Variants in ITPR2 observed in about 807,000 individuals in gnomAD.
The protein encoded by ITPR2 is inositol 1,4,5-trisphosphate-gated calcium channel ITPR2.
A neutral mutation model predicts 317.1 loss-of-function variants in ITPR2; 207 were observed. The ratio of observed to expected loss-of-function variants is 0.65; its 90% confidence interval spans 0.58 to 0.73. The LOEUF (loss-of-function observed/expected upper bound fraction) is 0.73, where lower values mean the gene tolerates loss of function less well. Ranked by LOEUF, ITPR2 falls within the 30% of genes least tolerant of loss-of-function variation. The pLI is 0.00. For synonymous variants in ITPR2, 1,156 were observed against 1,149.1 expected, an observed-to-expected ratio of 1.01 and a Z score of -0.12; for missense variants, 2,613 against 3,284.0, an observed-to-expected ratio of 0.80 and a Z score of 4.99.
chr12:26,376,892 C>A (rs1392959254), intron 55 of ITPR2, among the ~76,000 whole-genome samples: 2 of 151,948 alleles, frequency 1.3e-5, no homozygotes, highest in African/African-American at 4.8e-5. Context: ...CCATGCCCAG[C>A]TAATTTTTGT....
At chr12:26,516,320 A>AGGAAAGGAAAGGAAAGGAAG (rs1943514507) in intron 37 of ITPR2, among the ~76,000 whole-genome samples, 1 of 143,586 alleles carries the variant, frequency 7.0e-6, no homozygotes, top group Non-Finnish European at 1.5e-5. Context: ...AGGAAAGGAA[A>AGGAAAGGAAAGGAAAGGAAG]GGAAAGGAAA....
At chr12:26,671,203 A>G (rs1389665893) in intron 13 of ITPR2, among the ~76,000 whole-genome samples, 1 of 152,228 alleles carries the variant, frequency 6.6e-6, no homozygotes, top group Non-Finnish European at 1.5e-5. Flanking sequence ...AGAGAACGCC[A>G]CAAAGATACT....
At chr12:26,678,570 T>C (rs1485621296) in intron 13 of ITPR2, among the ~76,000 whole-genome samples, 3 of 152,210 alleles carry the variant, frequency 2.0e-5, no homozygotes, top group Non-Finnish European at 4.4e-5. Flanking sequence ...ATAATATAAA[T>C]GCATTCAACT....
At chr12:26,522,431 G>T (rs1434858395) in intron 37 of ITPR2, among the ~76,000 whole-genome samples, 3 of 152,120 alleles carry the variant, frequency 2.0e-5, no homozygotes, top group African/African-American at 7.2e-5. Flanking sequence ...GGATTTCCTT[G>T]AAATATGGTC....
At chr12:26,628,263 A>C in intron 22 of ITPR2, 101 bp from the exon 23 acceptor site, 3 of 853,326 alleles carry the variant, frequency 3.5e-6, no homozygotes, top group Non-Finnish European at 5.3e-6. Context: ...CCAACCTTTC[A>C]AAGGAACTAG....
At position 26,455,995 on chromosome 12, in the gene ITPR2, C is replaced by T. The variant is rs190434273; in HGVS notation, c.6343-12345G>A. ...AGACAGAATTCTCCTATGACCTAAG[C>T]CATCATGAGCTAAATACAATAATTA... is the stretch of plus-strand genomic sequence containing the variant. On this transcript the variant is annotated intron_variant, in intron 45 of 56. Coordinates refer to ENST00000381340, the MANE Select transcript of ITPR2 (RefSeq NM_002223.4). Among the ~76,000 whole-genome samples the T allele has an allele frequency of 1.1e-3, 167 of 152,312 alleles. 1 individual carries two copies. The highest frequency in any genetic ancestry group is 1.9e-3 in the Non-Finnish European group (131 of 68,026).
intron 21 of ITPR2, among the ~76,000 whole-genome samples, chr12:26,645,355 T>A (rs1947090897): frequency 6.6e-6 from 1 of 152,258 alleles, no homozygotes; most frequent in Admixed American, 6.5e-5. Flanking sequence ...TGGATGGGAT[T>A]ATACCCATGT....
chr12:26,367,815 T>C (rs1408394495), intron 55 of ITPR2, among the ~76,000 whole-genome samples: 1 of 152,252 alleles, frequency 6.6e-6, no homozygotes, highest in East Asian at 1.9e-4. Context: ...TGTTTGTTTC[T>C]AGTTCTTCTT....
Position 26,500,045 on chromosome 12 carries a change from T to TA in ITPR2, c.5074-4786dup, listed in dbSNP as rs530576156. Among the ~76,000 whole-genome samples, 187 of 152,260 alleles carry TA rather than the reference T, an allele frequency of 1.2e-3. 1 individual carries two copies. The highest frequency in any genetic ancestry group is 4.3e-3 in the African/African-American group (180 of 41,546). ...TGTCTTAGTAATCTTCATTTAAGAA[T>TA]AAAAAAATTCAGATATTGCTACATC... On this transcript the variant is annotated intron_variant, in intron 37 of 56. Transcript: ENST00000381340.
intron 51 of ITPR2, among the ~76,000 whole-genome samples, chr12:26,411,998 A>C (rs1342968795): frequency 6.6e-6 from 1 of 152,234 alleles, no homozygotes; most frequent in Non-Finnish European, 1.5e-5. Context: ...ACAGAATAGA[A>C]TAGAAAATAG....
At chr12:26,351,303 G>T (rs1159168316) in intron 55 of ITPR2, among the ~76,000 whole-genome samples, 1 of 152,214 alleles carries the variant, frequency 6.6e-6, no homozygotes, top group East Asian at 1.9e-4. Flanking sequence ...CTCAGGGACT[G>T]GGGCCCAATC....
At chr12:26,516,270 A>AGGAAAGGAAAGGAAGGGAAG in intron 37 of ITPR2, among the ~76,000 whole-genome samples, 2 of 38,986 alleles carry the variant, frequency 5.1e-5, no homozygotes, top group African/African-American at 1.8e-4. Flanking sequence ...AGGAAAGGAA[A>AGGAAAGGAAAGGAAGGGAAG]GGAAGGGAAG....
intron 21 of ITPR2, among the ~76,000 whole-genome samples, chr12:26,634,884 C>CAAAAAAAAAAAAAAAAAAAAAAAAAA (rs55985706): frequency 1.7e-5 from 1 of 58,546 alleles, no homozygotes; most frequent in Non-Finnish European, 3.0e-5. Flanking sequence ...GACTTCATCT[C>CAAAAAAAAAAAAAAAAAAAAAAAAAA]AAAAAAAAAA....
At chr12:26,520,085 T>C (rs960513194) in intron 37 of ITPR2, among the ~76,000 whole-genome samples, 2 of 152,210 alleles carry the variant, frequency 1.3e-5, no homozygotes, top group Non-Finnish European at 2.9e-5. Context: ...TTTGGTACTA[T>C]GCAGTATATT....
rs78814542 is a variant in ITPR2, at chr12:26,371,718, C to T, written c.7857+15716G>A. On this transcript the variant is annotated intron_variant, in intron 55 of 56. Transcript: ENST00000381340. ...AGAGGCAGGTACGGGGTTGGGTGTACGGGAACCGAGCCCTCTTGGTTTATG... is the reference window on the plus strand; with the variant it reads ...AGAGGCAGGTACGGGGTTGGGTGTATGGGAACCGAGCCCTCTTGGTTTATG... Among the ~76,000 whole-genome samples the T allele has an allele frequency of 8.7e-3, 1,320 of 152,210 alleles. 15 individuals are homozygous for T. The highest frequency in any genetic ancestry group is 0.03 in the African/African-American group (1,237 of 41,536).
At chr12:26,631,216 A>AATTT (rs1946744619) in intron 22 of ITPR2, among the ~76,000 whole-genome samples, 2 of 152,214 alleles carry the variant, frequency 1.3e-5, no homozygotes, top group African/African-American at 4.8e-5. Context: ...AACTGCTAAG[A>AATTT]ATTTATAGCT....
chr12:26,466,950 G>A (rs755552999), intron 45 of ITPR2, among the ~76,000 whole-genome samples: 2 of 152,144 alleles, frequency 1.3e-5, no homozygotes, highest in African/African-American at 2.4e-5. Flanking sequence ...ACCCTTCAAA[G>A]ATATTAGAGA....
chr12:26,785,558 G>A (rs1234953322), intron 2 of ITPR2, among the ~76,000 whole-genome samples: 1 of 47,868 alleles, frequency 2.1e-5, no homozygotes, highest in Non-Finnish European at 5.6e-5. Flanking sequence ...GGGAGGTGGG[G>A]GGGGTCAGCC....
intron 52 of ITPR2, 75 bp from the exon 53 acceptor site, chr12:26,400,333 T>C (rs906488940): frequency 1.2e-6 from 1 of 818,760 alleles, no homozygotes; most frequent in Non-Finnish European, 1.7e-6. Context: ...TAAAATGAAA[T>C]ATACATACAA....
Sources: gnomAD v4.1 joint callset for allele counts (sites outside exome capture counted in the v4.1 genomes callset) on GRCh38, gnomAD v4.1.1 for gene constraint, MANE v1.5 for transcripts, NCBI Gene and HGNC (gene_info 2026-07-23, HGNC 2026-07-21) for gene names.